CSMD1: variants seen among roughly 807,000 people sequenced by gnomAD.
CSMD1 encodes CUB and Sushi multiple domains 1, also known as CUB and sushi domain-containing protein 1.
CSMD1 carries 213 observed loss-of-function variants against 417.5 expected under a neutral mutation model. The observed-to-expected ratio is 0.51, with a 90% confidence interval of 0.46 to 0.57. CSMD1 has a LOEUF of 0.57. CSMD1 is among the 20% of genes least tolerant of loss of function. The pLI is 0.00. For synonymous variants in CSMD1, 2,862 were observed against 1,736.8 expected, an observed-to-expected ratio of 1.65 and a Z score of -16.11; for missense variants, 6,923 against 4,529.7, an observed-to-expected ratio of 1.53 and a Z score of -15.17.
intron 2 of CSMD1, among the ~76,000 whole-genome samples, chr8:4,513,146 G>A (rs1036445997): frequency 4.6e-5 from 7 of 152,164 alleles, no homozygotes; most frequent in Non-Finnish European, 7.4e-5. Context: ...TAAACTATGG[G>A]CTTTGGTTAA....
At chr8:4,405,444 G>C (rs145814443) in intron 3 of CSMD1, among the ~76,000 whole-genome samples, 90 of 152,086 alleles carry the variant, frequency 5.9e-4, no homozygotes, top group Middle Eastern at 3.4e-3. Flanking sequence ...GTAAAATGAA[G>C]ATTTTAACGC....
chr8:4,131,994 G>A (rs1259459492), intron 3 of CSMD1, among the ~76,000 whole-genome samples: 5 of 151,870 alleles, frequency 3.3e-5, no homozygotes, highest in African/African-American at 1.2e-4. Context: ...TCGATCTCCT[G>A]ACCTCGTGAT....
chr8:4,076,815 A>C (rs1799845869), intron 3 of CSMD1, among the ~76,000 whole-genome samples: 2 of 152,176 alleles, frequency 1.3e-5, no homozygotes, highest in African/African-American at 4.8e-5. Context: ...ACGCAAGGCC[A>C]GCCATGCCTT....
rs9657364 is a variant in CSMD1 at position 3,493,598 on chromosome 8, A to G, written c.1448+25T>C. 2,121 of 1,563,266 alleles carry G rather than the reference A, an allele frequency of 1.4e-3. 2 individuals are homozygous for G. Among genetic ancestry groups the G allele is most frequent in the Non-Finnish European group, 1.4e-3 (1,646 of 1,149,782 alleles). ...TGCCCCGCACTGCATGCATAAGAGA[A>G]GAAGAAGCTCAAGGACATACTCACA... On this transcript the variant is annotated intron_variant, in intron 11 of 69. Transcript: ENST00000635120.
chr8:4,158,393 G>A (rs763670319), intron 3 of CSMD1, among the ~76,000 whole-genome samples: 11 of 151,834 alleles, frequency 7.2e-5, no homozygotes, highest in African/African-American at 1.5e-4. Flanking sequence ...CCACTAGTGC[G>A]GTCATCACTA....
At chr8:3,398,873 T>C (rs540425141) in intron 16 of CSMD1, among the ~76,000 whole-genome samples, 3 of 152,154 alleles carry the variant, frequency 2.0e-5, no homozygotes, top group Admixed American at 6.6e-5. Context: ...CATTATTAAA[T>C]AGCTAAGCCA....
rs149154669 is a variant in CSMD1, at chr8:3,802,491, A to C, written c.819-48449T>G. 1.5e-3 allele frequency among the ~76,000 whole-genome samples: 224 copies of C among 152,300 alleles called. 1 individual carries two copies. The highest frequency in any genetic ancestry group is 5.2e-3 in the African/African-American group (217 of 41,568). On this transcript the variant is annotated intron_variant, in intron 5 of 69. Transcript: ENST00000635120. Reference sequence around the variant, plus strand: ...ATAAGTATCAACTTCATTCATGTGAAATTGATGTGAGGTCACTTTCTAAGC... The same window carrying C: ...ATAAGTATCAACTTCATTCATGTGACATTGATGTGAGGTCACTTTCTAAGC...
chr8:3,130,680 C>T (rs150483029), intron 41 of CSMD1, among the ~76,000 whole-genome samples: 112 of 152,084 alleles, frequency 7.4e-4, no homozygotes, highest in African/African-American at 2.5e-3. Context: ...CTTCCTAGCA[C>T]GTGCAGCCAT....
chr8:3,318,737 G>C (rs537751430), intron 23 of CSMD1, among the ~76,000 whole-genome samples: 54 of 152,236 alleles, frequency 3.5e-4, no homozygotes, highest in African/African-American at 1.2e-3. Flanking sequence ...TAGCTGGAGT[G>C]TCACGGTTCC....
chr8:3,421,952 G>C (rs1813516050), intron 12 of CSMD1, among the ~76,000 whole-genome samples: 1 of 151,464 alleles, frequency 6.6e-6, no homozygotes, highest in Non-Finnish European at 1.5e-5. Context: ...AGATGGCTTA[G>C]AGTATTAGCC....
At chr8:3,705,701 A>T (rs1203428071) in intron 7 of CSMD1, among the ~76,000 whole-genome samples, 2 of 152,190 alleles carry the variant, frequency 1.3e-5, no homozygotes, top group Non-Finnish European at 2.9e-5. Context: ...CAAAACCCTT[A>T]GTTGGGGAAA....
intron 3 of CSMD1, among the ~76,000 whole-genome samples, chr8:4,153,667 T>A (rs1204779463): frequency 2.6e-5 from 4 of 152,326 alleles, no homozygotes; most frequent in Admixed American, 2.6e-4. Context: ...TCTCATAACG[T>A]CACTGCCTGG....
At chr8:3,400,232 T>C (rs1811956507) in intron 15 of CSMD1, among the ~76,000 whole-genome samples, 2 of 152,194 alleles carry the variant, frequency 1.3e-5, no homozygotes, top group Non-Finnish European at 2.9e-5. Flanking sequence ...TTTCATACCG[T>C]AATTAAGAAT....
intron 3 of CSMD1, among the ~76,000 whole-genome samples, chr8:4,370,818 C>A (rs1236233980): frequency 6.6e-6 from 1 of 152,110 alleles, no homozygotes; most frequent in Non-Finnish European, 1.5e-5. Context: ...TGTTGGCTTC[C>A]AACTCTTAGA....
intron 3 of CSMD1, among the ~76,000 whole-genome samples, chr8:4,399,337 C>T (rs1457987698): frequency 6.6e-6 from 1 of 152,052 alleles, no homozygotes; most frequent in African/African-American, 2.4e-5. Flanking sequence ...AACAATACAC[C>T]ATATAGTGAA....
At chr8:2,973,086 A>C in intron 57 of CSMD1, 31 bp downstream of exon 57, 1 of 1,599,548 alleles carries the variant, frequency 6.3e-7, no homozygotes, top group Non-Finnish European at 8.5e-7. Flanking sequence ...TTTAACTTTC[A>C]AGGTGGACCT....
In CSMD1 at chr8:3,189,028, T is replaced by A; in HGVS notation, c.5399-17A>T. 1 of 1,604,586 alleles carries A rather than the reference T, an allele frequency of 6.2e-7. No homozygotes were observed. The highest frequency in any genetic ancestry group is 8.5e-7 in the Non-Finnish European group (1 of 1,174,626). ...TGCAGGGTACTAAAAGACACAACCATATGTCATGAAATAAAGTGCTGTGGG... is the reference window on the plus strand; with the variant it reads ...TGCAGGGTACTAAAAGACACAACCAAATGTCATGAAATAAAGTGCTGTGGG... On this transcript the variant is annotated splice_polypyrimidine_tract_variant and intron_variant, in intron 34 of 69. Transcript: ENST00000635120.
intron 2 of CSMD1, among the ~76,000 whole-genome samples, chr8:4,636,575 T>C (rs978938214): frequency 6.6e-6 from 1 of 152,226 alleles, no homozygotes; most frequent in African/African-American, 2.4e-5. Flanking sequence ...TTGTTCTTTT[T>C]CTCTCAAACT....
intron 3 of CSMD1, among the ~76,000 whole-genome samples, chr8:4,121,489 TTCTC>T (rs1802484785): frequency 6.6e-6 from 1 of 152,178 alleles, no homozygotes; most frequent in African/African-American, 2.4e-5. Context: ...ACTTTCCTAT[TTCTC>T]ACTATAATAA....
Sources: gnomAD v4.1 joint callset for allele counts (sites outside exome capture counted in the v4.1 genomes callset) on GRCh38, gnomAD v4.1.1 for gene constraint, MANE v1.5 for transcripts, NCBI Gene and HGNC (gene_info 2026-07-23, HGNC 2026-07-21) for gene names.